Variants in SEMA5B observed in about 807,000 individuals in gnomAD.
SEMA5B encodes semaphorin 5B.
Under a neutral mutation model 135.0 loss-of-function variants are expected in SEMA5B, and 66 were observed. That is an observed-to-expected ratio of 0.49 (90% confidence interval 0.40 to 0.60). The LOEUF is 0.60. Among genes scored for constraint, SEMA5B ranks in the 20% least tolerant of loss-of-function variants. The probability of loss-of-function intolerance (pLI) is 0.00; values close to 1 mark genes in which losing one functional copy is unlikely to be tolerated. For synonymous variants in SEMA5B, 690 were observed against 639.5 expected (o/e 1.08, Z -1.19); for missense variants, 1,501 against 1,566.3 (o/e 0.96, Z 0.70).
intron 2 of SEMA5B, among the ~76,000 whole-genome samples, chr3:122,956,693 G>A (rs755013063): frequency 3.0e-4 from 46 of 152,036 alleles, no homozygotes; most frequent in African/African-American, 1.4e-4. Flanking sequence ...ACAGGGGATC[G>A]CCCAGACCAC....
At chr3:122,998,524 G>A (rs760015140) in intron 1 of SEMA5B, among the ~76,000 whole-genome samples, 1 of 152,154 alleles carries the variant, frequency 6.6e-6, no homozygotes, top group Non-Finnish European at 1.5e-5. Context: ...ACGTGTTCTG[G>A]AAATGGACGG....
intron 12 of SEMA5B, among the ~76,000 whole-genome samples, chr3:122,920,927 G>A (rs1938315478): frequency 6.6e-6 from 1 of 152,236 alleles, no homozygotes; most frequent in Admixed American, 6.5e-5. Context: ...CTTAGTAAGT[G>A]TGTGGTGTCT....
In SEMA5B at chr3:122,913,718, G is replaced by C. The variant is rs370605345; in HGVS notation, c.2133-37C>G. ...GGAGAGGCGTCAATCCAGGGAGGGGGACCCCCTTCCCTGACGAGAGGTCCC... is the reference window on the plus strand; with the variant it reads ...GGAGAGGCGTCAATCCAGGGAGGGGCACCCCCTTCCCTGACGAGAGGTCCC... On this transcript the variant is annotated intron_variant, in intron 15 of 22. Coordinates refer to ENST00000357599, the MANE Select transcript of SEMA5B (RefSeq NM_001031702.4). The C allele has an allele frequency of 1.0e-5, 16 of 1,606,240 alleles. No homozygotes were observed. The African/African-American group carries it at 1.9e-4, about 19-fold the overall frequency.
At chr3:122,937,327 C>G (rs976486851) in intron 5 of SEMA5B, among the ~76,000 whole-genome samples, 1 of 152,212 alleles carries the variant, frequency 6.6e-6, no homozygotes, top group African/African-American at 2.4e-5. Context: ...CAAGTCAGGG[C>G]TTCCTCACCA....
At chr3:122,965,117 C>T (rs1940762542) in intron 1 of SEMA5B, among the ~76,000 whole-genome samples, 1 of 152,190 alleles carries the variant, frequency 6.6e-6, no homozygotes, top group South Asian at 2.1e-4. Flanking sequence ...TAGGAAGAAG[C>T]AGCTTGACGT....
chr3:122,966,100 C>G (rs1212229559), intron 1 of SEMA5B, among the ~76,000 whole-genome samples: 1 of 152,196 alleles, frequency 6.6e-6, no homozygotes, highest in Non-Finnish European at 1.5e-5. Context: ...TGGAACACCT[C>G]TCCCCTTTAG....
intron 5 of SEMA5B, among the ~76,000 whole-genome samples, chr3:122,936,307 G>A (rs1280786449): frequency 2.0e-5 from 3 of 152,166 alleles, no homozygotes; most frequent in African/African-American, 7.2e-5. Context: ...ACACTTGGGG[G>A]CCAGGGACAA....
chr3:122,960,917 T>C (rs763532880), intron 2 of SEMA5B, among the ~76,000 whole-genome samples: 4 of 152,134 alleles, frequency 2.6e-5, no homozygotes, highest in Non-Finnish European at 5.9e-5. Context: ...ACAATGTGAG[T>C]GTACCTGATA....
At chr3:122,971,819 G>A (rs1560389251) in intron 1 of SEMA5B, among the ~76,000 whole-genome samples, 1 of 152,226 alleles carries the variant, frequency 6.6e-6, no homozygotes, top group Non-Finnish European at 1.5e-5. Context: ...AGCCACTCCT[G>A]AACTCGTCAA....
At chr3:122,964,215 C>T (rs921899468) in intron 1 of SEMA5B, among the ~76,000 whole-genome samples, 1 of 152,216 alleles carries the variant, frequency 6.6e-6, no homozygotes, top group African/African-American at 2.4e-5. Context: ...TCAGGCTCTC[C>T]TCTCTGTCTT....
At chr3:123,002,193 A>G (rs571221689) in intron 1 of SEMA5B, among the ~76,000 whole-genome samples, 108 of 152,180 alleles carry the variant, frequency 7.1e-4, no homozygotes, top group Non-Finnish European at 1.3e-3. Flanking sequence ...GGAGGGCATC[A>G]TTCTTGGAGC....
chr3:122,935,130 T>C (rs1174522122), intron 5 of SEMA5B, among the ~76,000 whole-genome samples: 1 of 152,220 alleles, frequency 6.6e-6, no homozygotes, highest in Non-Finnish European at 1.5e-5. Flanking sequence ...AAGAGTAAAG[T>C]ACTAAGCAGC....
At chr3:122,973,300 C>T (rs962180104) in intron 1 of SEMA5B, among the ~76,000 whole-genome samples, 12 of 152,302 alleles carry the variant, frequency 7.9e-5, no homozygotes, top group African/African-American at 2.6e-4. Flanking sequence ...CCTCTAGTGC[C>T]CTGAGGAGAG....
chr3:122,964,193 G>A (rs563135517), intron 1 of SEMA5B, among the ~76,000 whole-genome samples: 2 of 152,236 alleles, frequency 1.3e-5, no homozygotes, highest in Admixed American at 6.5e-5. Flanking sequence ...CCTGACTCAC[G>A]TTTCAACATT....
In SEMA5B at chr3:122,961,223, A is replaced by G; in HGVS notation, c.41T>C (p.Leu14Pro). Reference protein sequence around the residue: ...GFSPSPVAHHLVPGPPDTPAQ... With the variant: ...GFSPSPVAHHPVPGPPDTPAQ... ...TGGGGTATCAGGCGGCCCAGGGACG[A>G]GGTGGTGGGCAACAGGAGACGGACT... Residue 14 changes from leucine (L) to proline (P), a missense_variant, in exon 2 of 23, where the codon CTC becomes CCC. Physicochemically the swap from Leu to Pro is moderately conservative, Grantham distance 98. Around this residue, in one of 2 missense-constraint regions of SEMA5B, gnomAD observed 574 missense variants for 684.7 expected, o/e 0.84. Transcript: ENST00000357599. 1 of 1,614,018 alleles carries G rather than the reference A, an allele frequency of 6.2e-7. No homozygotes were observed.
In SEMA5B at chr3:122,909,165, G is replaced by C. The variant is rs1937590684; in HGVS notation, c.*978C>G. 6.5e-6 allele frequency: 1 copy of C among 152,680 alleles called. No homozygotes were observed. Among genetic ancestry groups the C allele is most frequent in the South Asian group, 2.1e-4 (1 of 4,832 alleles). The allele number at this position is 152,680 out of a possible 1,614,324, so 9.5% of individuals were successfully genotyped here. A position where few individuals can be genotyped will look rare whatever the true frequency, so the allele number is the denominator to read the frequency against. On this transcript the variant is annotated 3_prime_UTR_variant, in exon 23 of 23. Transcript: ENST00000357599. ...AGATTGCCTAGACTATGCAAGAGGA[G>C]CCCACGCACAGATGCACAGAGACAT...
chr3:123,027,551 G>C lies in SEMA5B; in HGVS notation c.-126C>G, dbSNP rs1942830674. The C allele has an allele frequency of 1.3e-5, 2 of 152,282 alleles. No individual in the cohort carries two copies. Among genetic ancestry groups the C allele is most frequent in the Admixed American group, 6.5e-5 (1 of 15,284 alleles). The allele number at this position is 152,282 out of a possible 1,614,324, so 9.4% of individuals were successfully genotyped here. A position where few individuals can be genotyped will look rare whatever the true frequency, so the allele number is the denominator to read the frequency against. ...CGGCGGGAGCTAACCAGATGGGCTGGCGGCCGGTCTGGGAATGGGGCGGCC... is the reference window on the plus strand; with the variant it reads ...CGGCGGGAGCTAACCAGATGGGCTGCCGGCCGGTCTGGGAATGGGGCGGCC... On this transcript the variant is annotated 5_prime_UTR_variant, in exon 1 of 23. Transcript: ENST00000357599.
chr3:122,963,290 A>G (rs1940670501), intron 1 of SEMA5B, among the ~76,000 whole-genome samples: 1 of 152,168 alleles, frequency 6.6e-6, no homozygotes, highest in African/African-American at 2.4e-5. Context: ...TGAGATCAGG[A>G]GTTCGAGACC....
chr3:122,969,165 A>T (rs939301088), intron 1 of SEMA5B, among the ~76,000 whole-genome samples: 10 of 152,204 alleles, frequency 6.6e-5, no homozygotes, highest in African/African-American at 2.2e-4. Flanking sequence ...CTCTTTTCAG[A>T]TGAGGAAACT....
Sources: allele counts gnomAD v4.1 joint callset (sites outside exome capture counted in the v4.1 genomes callset), GRCh38; gene constraint gnomAD v4.1.1; regional missense constraint gnomAD v4.1.1; transcripts MANE v1.5; gene names NCBI Gene and HGNC (gene_info 2026-07-23, HGNC 2026-07-21).